The following NCKAP5 variants were observed in gnomAD, a reference collection of about 807,000 sequenced individuals.
NCKAP5 encodes NCK associated protein 5.
Under a neutral mutation model 167.0 loss-of-function variants are expected in NCKAP5, and 92 were observed. The observed-to-expected ratio is 0.55, with a 90% CI of 0.47 to 0.66. The LOEUF (loss-of-function observed/expected upper bound fraction) is 0.66, where lower values mean the gene tolerates loss of function less well. Ranked by LOEUF, NCKAP5 falls within the 30% of genes least tolerant of loss-of-function variation. NCKAP5 has a pLI of 0.00. For missense variants in NCKAP5, 2,378 were observed against 2,315.0 expected, an observed-to-expected ratio of 1.03 and a Z score of -0.56; for synonymous variants, 891 against 877.4, an observed-to-expected ratio of 1.02 and a Z score of -0.27.
intron 8 of NCKAP5, among the ~76,000 whole-genome samples, chr2:132,921,813 ACTC>A (rs1194945767): frequency 1.3e-5 from 2 of 151,616 alleles, no homozygotes; most frequent in African/African-American, 2.4e-5. Flanking sequence ...CAGCACCTCC[ACTC>A]CTCCTGCTTT....
chr2:133,450,326 G>A (rs1282809673), intron 3 of NCKAP5, among the ~76,000 whole-genome samples: 1 of 152,110 alleles, frequency 6.6e-6, no homozygotes, highest in East Asian at 1.9e-4. Context: ...TGTCCATCAA[G>A]TGCATTTTCA....
At chr2:133,041,962 C>A (rs1022970355) in intron 6 of NCKAP5, among the ~76,000 whole-genome samples, 4 of 152,074 alleles carry the variant, frequency 2.6e-5, no homozygotes, top group Non-Finnish European at 4.4e-5. Flanking sequence ...CTGTCAATGA[C>A]AAACACACCA....
At chr2:132,683,210 A>C (rs944407549) in intron 19 of NCKAP5, among the ~76,000 whole-genome samples, 2 of 152,100 alleles carry the variant, frequency 1.3e-5, no homozygotes, top group Admixed American at 6.6e-5. Context: ...CGAATATGCT[A>C]TCCGTTCTGA....
intron 4 of NCKAP5, among the ~76,000 whole-genome samples, chr2:133,272,989 T>C (rs553763797): frequency 1.3e-5 from 2 of 152,342 alleles, no homozygotes; most frequent in Non-Finnish European, 2.9e-5. Flanking sequence ...TCTTTAGCTA[T>C]TATAAATAAT....
chr2:133,131,397 C>A (rs962565176), intron 5 of NCKAP5, among the ~76,000 whole-genome samples: 1 of 152,198 alleles, frequency 6.6e-6, no homozygotes, highest in Non-Finnish European at 1.5e-5. Context: ...CACCTACCAT[C>A]TTTACCACCC....
intron 7 of NCKAP5, among the ~76,000 whole-genome samples, chr2:132,993,168 C>A (rs933244598): frequency 5.9e-5 from 9 of 152,140 alleles, no homozygotes; most frequent in Admixed American, 2.0e-4. Flanking sequence ...CTAGGGCTGC[C>A]CAGTGATGAC....
Position 133,234,846 on chromosome 2 carries a change from C to T in NCKAP5, c.144-21067G>A, listed in dbSNP as rs576484512. On this transcript the variant is annotated intron_variant, in intron 4 of 19. Transcript: ENST00000409261. ...TTAAGGAAAGAACAAAGAAAAAATA[C>T]ATTTAGACACAGTAAGCAATTCATT... Among the ~76,000 whole-genome samples the T allele has an allele frequency of 2.0e-5, 3 of 151,418 alleles. No individual in the cohort carries two copies. In the South Asian group the frequency reaches 6.3e-4, roughly 32 times the overall value.
chr2:133,078,142 C>A (rs2080674380), intron 6 of NCKAP5, among the ~76,000 whole-genome samples: 1 of 152,142 alleles, frequency 6.6e-6, no homozygotes, highest in Non-Finnish European at 1.5e-5. Flanking sequence ...TGGCCCTGAA[C>A]TTTGTCAGAT....
chr2:133,152,234 G>T (rs2083407545), intron 5 of NCKAP5, among the ~76,000 whole-genome samples: 1 of 152,134 alleles, frequency 6.6e-6, no homozygotes, highest in Non-Finnish European at 1.5e-5. Flanking sequence ...CCTTACTGCA[G>T]ACAATCTCGA....
intron 4 of NCKAP5, among the ~76,000 whole-genome samples, chr2:133,217,424 C>T (rs2086478012): frequency 6.6e-6 from 1 of 152,100 alleles, no homozygotes; most frequent in Non-Finnish European, 1.5e-5. Flanking sequence ...ACTCTTTTCT[C>T]TGTATACTGA....
At chr2:133,195,728 C>G (rs887609465) in intron 5 of NCKAP5, among the ~76,000 whole-genome samples, 6 of 151,978 alleles carry the variant, frequency 3.9e-5, no homozygotes, top group African/African-American at 1.4e-4. Context: ...GACAAATATG[C>G]CAAGGCAATT....
the NCKAP5 span, among the ~76,000 whole-genome samples, chr2:133,628,121 T>C: frequency 6.6e-6 from 1 of 152,010 alleles, no homozygotes; most frequent in Admixed American, 6.5e-5. Flanking sequence ...CTATTCAACA[T>C]AGTAATGGAA....
chr2:132,694,927 C>T (rs1320991526), intron 19 of NCKAP5, among the ~76,000 whole-genome samples: 2 of 152,080 alleles, frequency 1.3e-5, no homozygotes, highest in Non-Finnish European at 2.9e-5. Flanking sequence ...AATTTATTTC[C>T]CACAGTTCTG....
At chr2:133,487,562 T>C (rs1216321973) in intron 3 of NCKAP5, among the ~76,000 whole-genome samples, 1 of 152,088 alleles carries the variant, frequency 6.6e-6, no homozygotes, top group Non-Finnish European at 1.5e-5. Context: ...AAATGTCACA[T>C]TGTATGAAAG....
chr2:132,711,373 A>G (rs1464580500), intron 19 of NCKAP5, among the ~76,000 whole-genome samples: 1 of 152,228 alleles, frequency 6.6e-6, no homozygotes, highest in Non-Finnish European at 1.5e-5. Context: ...CAGCATCAAA[A>G]GGGCACCTTT....
At chr2:133,555,526 T>C (rs1403512755) in intron 2 of NCKAP5, among the ~76,000 whole-genome samples, 1 of 152,246 alleles carries the variant, frequency 6.6e-6, no homozygotes, top group Non-Finnish European at 1.5e-5. Context: ...GGGAAAAGAA[T>C]CTTTTTCATA....
chr2:133,382,323 C>T (rs770502491), intron 3 of NCKAP5, among the ~76,000 whole-genome samples: 1 of 152,170 alleles, frequency 6.6e-6, no homozygotes, highest in African/African-American at 2.4e-5. Context: ...TGATCTCACA[C>T]GTGTATTATG....
chr2:133,443,260 A>G (rs1482726801), intron 3 of NCKAP5, among the ~76,000 whole-genome samples: 1 of 152,140 alleles, frequency 6.6e-6, no homozygotes, highest in Non-Finnish European at 1.5e-5. Context: ...CCAGCAATCT[A>G]GGGAAGAGCT....
At chr2:133,009,861 A>G (rs2078093379) in intron 6 of NCKAP5, among the ~76,000 whole-genome samples, 2 of 152,014 alleles carry the variant, frequency 1.3e-5, no homozygotes, top group Admixed American at 6.6e-5. Context: ...TGAGGTCAGG[A>G]GTTCGAGACC....
Sources: gnomAD v4.1 joint callset for allele counts (sites outside exome capture counted in the v4.1 genomes callset) on GRCh38, gnomAD v4.1.1 for gene constraint, MANE v1.5 for transcripts, NCBI Gene and HGNC (gene_info 2026-07-23, HGNC 2026-07-21) for gene names.